LMO7: variants seen among roughly 807,000 people sequenced by gnomAD.
The protein encoded by LMO7 is LIM domain 7.
A neutral mutation model predicts 206.5 loss-of-function variants in LMO7; 120 were observed. The observed-to-expected ratio is 0.58, with a 90% CI of 0.50 to 0.68. The LOEUF (loss-of-function observed/expected upper bound fraction) is 0.68. LMO7 is among the 30% of genes least tolerant of loss of function. The pLI, the probability that LMO7 is intolerant of heterozygous loss-of-function variation, is 0.00. For synonymous variants in LMO7, 706 were observed against 681.5 expected (o/e 1.04, Z -0.56); for missense variants, 1,959 against 1,957.9 (o/e 1.00, Z -0.01).
At chr13:75,623,526 G>C (rs1441691075) in intron 2 of LMO7, among the ~76,000 whole-genome samples, 2 of 151,768 alleles carry the variant, frequency 1.3e-5, no homozygotes, top group Non-Finnish European at 2.9e-5. Context: ...ACCATACCAG[G>C]CAAGTTTTTG....
intron 4 of LMO7, among the ~76,000 whole-genome samples, chr13:75,783,521 T>G (rs901433481): frequency 8.5e-5 from 13 of 152,078 alleles, no homozygotes; most frequent in African/African-American, 2.9e-4. Flanking sequence ...AGGGGTTTCA[T>G]CATGTTGGCC....
chr13:75,621,949 G>T (rs2033352792), intron 1 of LMO7: 3 of 997,728 alleles, frequency 3.0e-6, no homozygotes, highest in Admixed American at 3.1e-5. Flanking sequence ...CTTTTCTTTA[G>T]GAACACATGT....
chr13:75,842,819 T>G (rs994364691), intron 24 of LMO7, 32 bp from the exon 25 acceptor site: 13 of 1,401,246 alleles, frequency 9.3e-6, no homozygotes, highest in Non-Finnish European at 1.3e-5. Context: ...AAGTCTAATA[T>G]TTTGACAACA....
chr13:75,814,442 A>G (rs2056774544), intron 11 of LMO7, among the ~76,000 whole-genome samples: 1 of 152,204 alleles, frequency 6.6e-6, no homozygotes, highest in Non-Finnish European at 1.5e-5. Context: ...GTTCAGTACT[A>G]TGAAAAAGGT....
chr13:75,788,366 A>G (rs2052748802), intron 4 of LMO7, among the ~76,000 whole-genome samples: 1 of 150,836 alleles, frequency 6.6e-6, no homozygotes, highest in Admixed American at 6.7e-5. Context: ...AGGCAGGAGA[A>G]TCACTTGAAC....
intron 3 of LMO7, among the ~76,000 whole-genome samples, chr13:75,738,403 G>A (rs911284641): frequency 6.6e-6 from 1 of 152,204 alleles, no homozygotes; most frequent in Non-Finnish European, 1.5e-5. Flanking sequence ...GAGATGTTAA[G>A]ATGGTTTGGA....
chr13:75,678,410 T>C (rs1439880355), intron 1 of LMO7, among the ~76,000 whole-genome samples: 1 of 152,232 alleles, frequency 6.6e-6, no homozygotes, highest in Non-Finnish European at 1.5e-5. Context: ...CATTTTTTCA[T>C]GTGTCTTTTG....
chr13:75,792,611 A>C (rs1207031526), intron 4 of LMO7, among the ~76,000 whole-genome samples: 1 of 152,126 alleles, frequency 6.6e-6, no homozygotes, highest in Non-Finnish European at 1.5e-5. Flanking sequence ...CCATTGCAGT[A>C]GTTCTATTTT....
At chr13:75,745,477 TAAAG>T (rs769313758) in intron 3 of LMO7, among the ~76,000 whole-genome samples, 3 of 152,056 alleles carry the variant, frequency 2.0e-5, no homozygotes, top group Non-Finnish European at 4.4e-5. Flanking sequence ...AAAATAAACT[TAAAG>T]AAATCAAGAA....
intron 4 of LMO7, among the ~76,000 whole-genome samples, chr13:75,774,386 A>G (rs750612561): frequency 1.3e-5 from 2 of 152,176 alleles, no homozygotes; most frequent in South Asian, 2.1e-4. Flanking sequence ...CTTATTACTA[A>G]GCAGTATTTC....
At chr13:75,683,176 AGCCTCTTAACAGT>A (rs1296527412) in intron 1 of LMO7, among the ~76,000 whole-genome samples, 1 of 151,558 alleles carries the variant, frequency 6.6e-6, no homozygotes, top group Non-Finnish European at 1.5e-5. Context: ...CTCCTGCCTC[AGCCTCTTAACAGT>A]GCCTTTCAAA....
intron 2 of LMO7, among the ~76,000 whole-genome samples, chr13:75,715,922 A>G (rs1456546164): frequency 2.0e-5 from 3 of 152,200 alleles, no homozygotes; most frequent in Non-Finnish European, 4.4e-5. Flanking sequence ...ATAGTAAGCT[A>G]TCTGTCTTTG....
intron 1 of LMO7, among the ~76,000 whole-genome samples, chr13:75,705,029 G>A (rs2042552650): frequency 6.6e-6 from 1 of 152,172 alleles, no homozygotes; most frequent in Admixed American, 6.5e-5. Flanking sequence ...GGCTTCTTCG[G>A]AGGCCACAGG....
Position 75,817,336 on chromosome 13 carries a change from C to T in LMO7, c.2064+58C>T, listed in dbSNP as rs199568089. The T allele has an allele frequency of 6.0e-4, 667 of 1,119,180 alleles. 4 individuals carry two copies. The highest frequency in any genetic ancestry group is 2.4e-3 in the Middle Eastern group (12 of 5,040). 69.3% of individuals were successfully genotyped at this position (1,119,180 alleles called of 1,614,324 possible). On this transcript the variant is annotated intron_variant, in intron 12 of 30. Transcript: ENST00000377534. ...GTATTTGTCTAACTTTTCTTTGCTTCTCTTAAAGTCAATATACTCAAGACC... is the reference window on the plus strand; with the variant it reads ...GTATTTGTCTAACTTTTCTTTGCTTTTCTTAAAGTCAATATACTCAAGACC...
intron 1 of LMO7, among the ~76,000 whole-genome samples, chr13:75,676,700 G>A (rs950350006): frequency 3.9e-5 from 6 of 152,206 alleles, no homozygotes; most frequent in African/African-American, 1.2e-4. Context: ...AAGATGAGAA[G>A]GCATTGCATT....
chr13:75,811,987 A>G (rs986206748), intron 11 of LMO7, among the ~76,000 whole-genome samples: 5 of 152,240 alleles, frequency 3.3e-5, no homozygotes, highest in Non-Finnish European at 7.3e-5. Context: ...ATAAAGGCTT[A>G]TGACAGCAAA....
At chr13:75,815,799 T>C (rs1223618529) in intron 11 of LMO7, among the ~76,000 whole-genome samples, 1 of 152,114 alleles carries the variant, frequency 6.6e-6, no homozygotes, top group Non-Finnish European at 1.5e-5. Flanking sequence ...AAGGGCTTGA[T>C]AACTAATGGA....
chr13:75,696,233 T>A (rs1390087379), intron 1 of LMO7, among the ~76,000 whole-genome samples: 2 of 152,062 alleles, frequency 1.3e-5, no homozygotes, highest in African/African-American at 4.8e-5. Flanking sequence ...TGTGTGGCTG[T>A]AGTTCCAGCT....
intron 1 of LMO7, among the ~76,000 whole-genome samples, chr13:75,686,046 T>G (rs75012240): frequency 0.027 from 4,114 of 151,998 alleles, 92 homozygotes; most frequent in South Asian, 0.039. Context: ...GGCTAATTTT[T>G]TGAAAATTTT....
Sources: allele counts gnomAD v4.1 joint callset (sites outside exome capture counted in the v4.1 genomes callset), GRCh38; gene constraint gnomAD v4.1.1; transcripts MANE v1.5; gene names NCBI Gene and HGNC (gene_info 2026-07-23, HGNC 2026-07-21).